SDK2: variants seen among roughly 807,000 people sequenced by gnomAD.
SDK2 encodes the protein sidekick cell adhesion molecule 2.
Under a neutral mutation model 253.9 loss-of-function variants are expected in SDK2, and 105 were observed. The observed-to-expected ratio is 0.41, with a 90% CI of 0.35 to 0.49. The LOEUF is 0.49. Ranked by LOEUF, SDK2 falls within the 20% of genes least tolerant of loss-of-function variation. The pLI is 0.06. For missense variants in SDK2, 2,608 were observed against 3,003.0 expected (o/e 0.87, Z 3.07); for synonymous variants, 1,249 against 1,234.9 (o/e 1.01, Z -0.24).
chr17:73,553,756 TGAG>T (rs2045100841), intron 1 of SDK2, among the ~76,000 whole-genome samples: 1 of 152,174 alleles, frequency 6.6e-6, no homozygotes, highest in Admixed American at 6.5e-5. Context: ...ACCCCCTTCC[TGAG>T]GAGGTGCTGG....
chr17:73,421,043 G>T (rs187655205), intron 15 of SDK2, among the ~76,000 whole-genome samples: 1 of 152,178 alleles, frequency 6.6e-6, no homozygotes, highest in Non-Finnish European at 1.5e-5. Context: ...CGGTGCAGCC[G>T]CAGGGCAGGA....
At position 73,402,149 on chromosome 17, in the gene SDK2, G is replaced by A. The variant is rs748995927; in HGVS notation, c.2485-8C>T. 1 of 1,611,634 alleles carries A rather than the reference G, an allele frequency of 6.2e-7. No homozygotes were observed. The highest frequency in any genetic ancestry group is 1.1e-5 in the South Asian group (1 of 90,698). On this transcript the variant is annotated splice_polypyrimidine_tract_variant and splice_region_variant and intron_variant, in intron 18 of 44. Coordinates refer to ENST00000392650, the MANE Select transcript of SDK2 (RefSeq NM_001144952.2). ...CGGCTCCCAGGCGATCAGCTGCGGA[G>A]AGGCGAGCAAGTCACACAGGGCAGC...
chr17:73,622,245 G>T (rs939912410), intron 1 of SDK2, among the ~76,000 whole-genome samples: 10 of 152,186 alleles, frequency 6.6e-5, no homozygotes, highest in African/African-American at 2.4e-4. Flanking sequence ...CAACCAAAGG[G>T]AGAAAATAAC....
At chr17:73,376,588 G>A (rs142190590) in intron 36 of SDK2, among the ~76,000 whole-genome samples, 103 of 152,230 alleles carry the variant, frequency 6.8e-4, no homozygotes, top group Non-Finnish European at 1.3e-3. Context: ...GCTCAGGTAC[G>A]GGTCATGTTT....
chr17:73,449,465 G>A (rs1350085579), intron 4 of SDK2, among the ~76,000 whole-genome samples: 1 of 152,018 alleles, frequency 6.6e-6, no homozygotes, highest in Non-Finnish European at 1.5e-5. Context: ...GCCCGGCTGT[G>A]CTGGTTTTCG....
At chr17:73,621,237 A>T (rs1404754904) in intron 1 of SDK2, among the ~76,000 whole-genome samples, 3 of 152,236 alleles carry the variant, frequency 2.0e-5, no homozygotes, top group Admixed American at 2.0e-4. Flanking sequence ...GGATAAATGT[A>T]CTGAACTGAG....
At chr17:73,368,855 C>A (rs916568127) in intron 36 of SDK2, among the ~76,000 whole-genome samples, 1 of 151,880 alleles carries the variant, frequency 6.6e-6, no homozygotes, top group African/African-American at 2.4e-5. Context: ...ACTGGAAATA[C>A]AAAAAAATCA....
intron 13 of SDK2, 61 bp downstream of exon 13, chr17:73,423,855 G>C (rs931815240): frequency 1.4e-6 from 2 of 1,390,216 alleles, no homozygotes; most frequent in Non-Finnish European, 1.9e-6. Context: ...GGCTGGCTCT[G>C]AGCATGCCAG....
At chr17:73,378,988 A>C (rs2062807900) in intron 36 of SDK2, among the ~76,000 whole-genome samples, 189 bp downstream of exon 36, 1 of 152,180 alleles carries the variant, frequency 6.6e-6, no homozygotes, top group African/African-American at 2.4e-5. Context: ...TCAGCTGTAC[A>C]AATATTTCTG....
intron 18 of SDK2, among the ~76,000 whole-genome samples, chr17:73,405,821 G>A (rs1420518728): frequency 6.7e-6 from 1 of 150,366 alleles, no homozygotes; most frequent in African/African-American, 2.4e-5. Context: ...TCGGGTTCAC[G>A]CCATTCTCCT....
At chr17:73,578,284 C>G (rs1410239714) in intron 1 of SDK2, among the ~76,000 whole-genome samples, 1 of 152,116 alleles carries the variant, frequency 6.6e-6, no homozygotes, top group Non-Finnish European at 1.5e-5. Context: ...AGACTGGTCT[C>G]AAACTCCTGA....
chr17:73,394,244 CG>C lies in SDK2; in HGVS notation c.3672del (p.Glu1225ArgfsTer13). The C allele has an allele frequency of 6.3e-7, 1 of 1,599,624 alleles. No homozygotes were observed. Among genetic ancestry groups the C allele is most frequent in the Non-Finnish European group, 8.5e-7 (1 of 1,170,552 alleles). On this transcript the variant is annotated frameshift_variant, in exon 26 of 45. Coordinates refer to ENST00000392650, the MANE Select transcript of SDK2 (RefSeq NM_001144952.2). LOFTEE classifies it high-confidence loss of function. ...SSMLVRWSEV[P>X]EADRNGLVLG... ...AGCACGAGCCCGTTGCGATCAGCCT[CG>C]GGGACCTCGCTCCAGCGCACCAGCA...
chr17:73,574,138 G>C (rs11077692), intron 1 of SDK2, among the ~76,000 whole-genome samples: 43,164 of 152,012 alleles, frequency 0.28, 6,277 homozygotes, highest in South Asian at 0.41. Flanking sequence ...CTGTTTGCCC[G>C]ACCCTCAGGA....
At position 73,348,600 on chromosome 17, in the gene SDK2, T is replaced by C; in HGVS notation, c.6164A>G (p.Gln2055Arg). 12 of 1,612,058 alleles carry C rather than the reference T, an allele frequency of 7.4e-6. No individual in the cohort carries two copies. Among genetic ancestry groups the C allele is most frequent in the Non-Finnish European group, 1.0e-5 (12 of 1,179,406 alleles). Reference protein sequence around the residue: ...TEKPSEISDSQGSDSEYEVDS... With the variant: ...TEKPSEISDSRGSDSEYEVDS... The stretch of plus-strand genomic sequence containing the variant: ...GACACCTGGCCCTCCTGCCCTCACC[T>C]GAGAGTCGGAGATTTCTGAGGGCTT... Residue 2055 changes from glutamine to arginine, a missense_variant and splice_region_variant, in exon 44 of 45, where the codon CAG (glutamine) becomes CGG (arginine). Coordinates refer to ENST00000392650, the MANE Select transcript of SDK2 (RefSeq NM_001144952.2).
At chr17:73,538,497 G>A (rs183839831) in intron 1 of SDK2, among the ~76,000 whole-genome samples, 4 of 152,210 alleles carry the variant, frequency 2.6e-5, no homozygotes, top group Admixed American at 2.6e-4. Context: ...TTTAAAATGT[G>A]CAAGCATAGC....
rs1221204417 is a variant in SDK2, at chr17:73,455,950, C to T, written c.435G>A (p.Val145=). The T allele has an allele frequency of 1.6e-5, 24 of 1,548,206 alleles. No individual in the cohort carries two copies. The highest frequency in any genetic ancestry group is 1.9e-5 in the Non-Finnish European group (22 of 1,146,404). ...PRIASFPQPQ[V]TWFRDGRKIP... ...TCTTGCGGCCGTCCCGGAACCAGGTCACCTGTGGCTGGGGGAAGCTGGCGA... is the reference window on the plus strand; with the variant it reads ...TCTTGCGGCCGTCCCGGAACCAGGTTACCTGTGGCTGGGGGAAGCTGGCGA... Residue 145 remains valine (V), a synonymous_variant, in exon 4 of 45, where the codon GTG becomes GTA. Transcript: ENST00000392650. The surrounding 1 kb of genome is among the most constrained non-coding windows in gnomAD (Gnocchi z 5.0).
chr17:73,462,906 G>A (rs976794656), intron 3 of SDK2, among the ~76,000 whole-genome samples: 16 of 152,120 alleles, frequency 1.1e-4, no homozygotes, highest in African/African-American at 3.9e-4. Context: ...TGTTGAGCAG[G>A]CCATGGGTGA....
At chr17:73,630,004 G>C (rs1442808619) in intron 1 of SDK2, among the ~76,000 whole-genome samples, 1 of 152,126 alleles carries the variant, frequency 6.6e-6, no homozygotes, top group African/African-American at 2.4e-5. Context: ...CCCCCCACCA[G>C]GTGCAAGGCC....
At chr17:73,355,683 C>T (rs1328400937) in intron 40 of SDK2, among the ~76,000 whole-genome samples, 1 of 152,104 alleles carries the variant, frequency 6.6e-6, no homozygotes, top group African/African-American at 2.4e-5. Context: ...TCTCTTTCCC[C>T]TTTGCTGGCT....
Sources: allele counts gnomAD v4.1 joint callset (sites outside exome capture counted in the v4.1 genomes callset), GRCh38; gene constraint gnomAD v4.1.1; non-coding constraint Gnocchi (gnomAD v3.1); transcripts MANE v1.5; gene names NCBI Gene and HGNC (gene_info 2026-07-23, HGNC 2026-07-21).